HSDL2: variants seen among roughly 807,000 people sequenced by gnomAD.
HSDL2 encodes hydroxysteroid dehydrogenase-like protein 2.
HSDL2 carries 27 observed loss-of-function variants against 46.3 expected under a neutral mutation model. The ratio of observed to expected loss-of-function variants is 0.58; its 90% CI spans 0.43 to 0.80. The LOEUF is 0.80. HSDL2 is among the 30% of genes least tolerant of loss of function. The pLI, the probability that HSDL2 is intolerant of heterozygous loss-of-function variation, is 0.00. For synonymous variants in HSDL2, 153 were observed against 163.6 expected (o/e 0.94, Z 0.50); for missense variants, 451 against 502.7 (o/e 0.90, Z 0.98).
chr9:112,388,686 G>A (rs541752089), intron 1 of HSDL2, among the ~76,000 whole-genome samples: 13 of 151,882 alleles, frequency 8.6e-5, no homozygotes, highest in Admixed American at 2.6e-4. Context: ...CCTGGGAGGT[G>A]GAGGTTGCAG....
At chr9:112,461,401 T>G (rs560321331) in intron 10 of HSDL2, among the ~76,000 whole-genome samples, 2 of 152,298 alleles carry the variant, frequency 1.3e-5, no homozygotes, top group Admixed American at 6.5e-5. Flanking sequence ...TTTAATAGTT[T>G]AGTGTTTCTT....
At chr9:112,420,127 G>A (rs767809227) in intron 6 of HSDL2, among the ~76,000 whole-genome samples, 67 of 152,072 alleles carry the variant, frequency 4.4e-4, no homozygotes, top group Non-Finnish European at 8.1e-4. Flanking sequence ...GATCACTTGA[G>A]GCCAGGAGTT....
chr9:112,390,129 A>G (rs944685627), intron 1 of HSDL2, among the ~76,000 whole-genome samples: 2 of 151,352 alleles, frequency 1.3e-5, no homozygotes, highest in African/African-American at 4.8e-5. Context: ...TATATGTGGA[A>G]AATTAAAGGT....
At chr9:112,462,516 T>C (rs1220156279) in intron 10 of HSDL2, among the ~76,000 whole-genome samples, 1 of 151,920 alleles carries the variant, frequency 6.6e-6, no homozygotes, top group African/African-American at 2.4e-5. Flanking sequence ...ATCTCTCCTT[T>C]TGGCCAATAG....
intron 6 of HSDL2, among the ~76,000 whole-genome samples, chr9:112,429,432 C>G (rs536149278): frequency 6.6e-6 from 1 of 152,338 alleles, no homozygotes; most frequent in African/African-American, 2.4e-5. Context: ...TTGTCCTCCC[C>G]TCTGCCCTTT....
intron 10 of HSDL2, among the ~76,000 whole-genome samples, chr9:112,461,856 G>A (rs888671559): frequency 6.6e-6 from 1 of 152,174 alleles, no homozygotes; most frequent in Non-Finnish European, 1.5e-5. Flanking sequence ...TTTCACTTAT[G>A]TAGCATACAG....
intron 1 of HSDL2, among the ~76,000 whole-genome samples, chr9:112,382,430 C>T (rs978612320): frequency 3.9e-5 from 6 of 152,112 alleles, no homozygotes; most frequent in African/African-American, 9.7e-5. Flanking sequence ...AAAGTGTCAC[C>T]TCATTATTGT....
At chr9:112,426,234 CTTT>C (rs71382430) in intron 6 of HSDL2, among the ~76,000 whole-genome samples, 4 of 95,772 alleles carry the variant, frequency 4.2e-5, no homozygotes, top group Admixed American at 1.2e-4. Context: ...GGTAAGCCTT[CTTT>C]TTTTTTTTTT....
intron 8 of HSDL2, among the ~76,000 whole-genome samples, chr9:112,443,555 C>A (rs922040784): frequency 2.0e-5 from 3 of 152,084 alleles, no homozygotes; most frequent in African/African-American, 7.2e-5. Flanking sequence ...TGGTGAGACC[C>A]TGTCTCTACA....
chr9:112,418,380 C>A (rs910473791), intron 5 of HSDL2, among the ~76,000 whole-genome samples: 1 of 151,442 alleles, frequency 6.6e-6, no homozygotes, highest in African/African-American at 2.4e-5. Flanking sequence ...CCCAGGAGTT[C>A]AAGACCAGGC....
At chr9:112,431,293 A>C (rs1832390815) in intron 6 of HSDL2, among the ~76,000 whole-genome samples, 3 of 152,126 alleles carry the variant, frequency 2.0e-5, no homozygotes, top group Admixed American at 2.0e-4. Flanking sequence ...TCTGTGGGTT[A>C]TCAGCATATA....
chr9:112,462,406 T>A (rs1323456090), intron 10 of HSDL2, among the ~76,000 whole-genome samples: 1 of 149,598 alleles, frequency 6.7e-6, no homozygotes, highest in Non-Finnish European at 1.5e-5. Context: ...GAGGTTGCAG[T>A]GAGCTGAGAT....
intron 4 of HSDL2, among the ~76,000 whole-genome samples, chr9:112,414,722 T>C (rs1290333404): frequency 6.6e-6 from 1 of 152,240 alleles, no homozygotes; most frequent in East Asian, 1.9e-4. Context: ...TTCACTGTTT[T>C]AATGAAACTC....
At chr9:112,399,617 G>A (rs563374128) in intron 1 of HSDL2, among the ~76,000 whole-genome samples, 36 of 152,172 alleles carry the variant, frequency 2.4e-4, no homozygotes, top group African/African-American at 6.5e-4. Flanking sequence ...CAGAGTGGCC[G>A]TTTATAGACC....
chr9:112,447,028 T>C (rs10817345), intron 8 of HSDL2, among the ~76,000 whole-genome samples: 38,923 of 152,074 alleles, frequency 0.26, 5,113 homozygotes, highest in Middle Eastern at 0.37. Flanking sequence ...TGACTCCATG[T>C]ACCTTAGAGC....
intron 1 of HSDL2, among the ~76,000 whole-genome samples, chr9:112,389,517 G>T (rs1328083072): frequency 6.6e-6 from 1 of 152,076 alleles, no homozygotes; most frequent in African/African-American, 2.4e-5. Flanking sequence ...CAAATAAAAA[G>T]TTGGAAAAAG....
In HSDL2 at chr9:112,404,031, A is replaced by T. The variant is rs1429839725; in HGVS notation, c.54A>T (p.Ala18=). Residue 18 remains alanine (A), a synonymous_variant, in exon 2 of 11, where the codon GCA becomes GCT. Transcript: ENST00000398805. ...GATGTACAGTTTTTATCACAGGTGC[A>T]AGCCGTGGCATTGGCAAAGCTATTG... ...LAGCTVFITG[A]SRGIGKAIAL... is the part of the protein sequence containing the mutation. The T allele has an allele frequency of 6.2e-7, 1 of 1,614,176 alleles. No individual in the cohort carries two copies. The highest frequency in any genetic ancestry group is 1.3e-5 in the African/African-American group (1 of 75,048).
chr9:112,387,895 A>G (rs1260644358), intron 1 of HSDL2, among the ~76,000 whole-genome samples: 1 of 152,210 alleles, frequency 6.6e-6, no homozygotes, highest in African/African-American at 2.4e-5. Context: ...GTGGTGGCTC[A>G]TGCTTGTAAT....
chr9:112,466,150 A>G (rs956799365), intron 10 of HSDL2, among the ~76,000 whole-genome samples: 4 of 152,208 alleles, frequency 2.6e-5, no homozygotes, highest in Admixed American at 6.5e-5. Context: ...ATGACAAATG[A>G]TATCATACTT....
Sources: allele counts gnomAD v4.1 joint callset (sites outside exome capture counted in the v4.1 genomes callset), GRCh38; gene constraint gnomAD v4.1.1; transcripts MANE v1.5; gene names NCBI Gene and HGNC (gene_info 2026-07-23, HGNC 2026-07-21).